The following FGF14 variants were observed in gnomAD, a reference collection of about 807,000 sequenced individuals.
The protein encoded by FGF14 is fibroblast growth factor 14, also known as fibroblast growth factor homologous factor 4.
Under a neutral mutation model 25.5 loss-of-function variants are expected in FGF14, and 5 were observed. That is an observed-to-expected ratio of 0.20 (90% CI 0.10 to 0.41). The LOEUF is 0.41. Among genes scored for constraint, FGF14 ranks in the 10% least tolerant of loss-of-function variants. The pLI, the probability that FGF14 is intolerant of heterozygous loss-of-function variation, is 1.00. For synonymous variants in FGF14, 138 were observed against 118.3 expected (o/e 1.17, Z -1.08); for missense variants, 222 against 320.1 (o/e 0.69, Z 2.34).
chr13:102,070,178 A>G (rs1298826743), intron 1 of FGF14, among the ~76,000 whole-genome samples: 2 of 152,236 alleles, frequency 1.3e-5, no homozygotes, highest in African/African-American at 2.4e-5. Context: ...AAACAACTCA[A>G]TAAGAAAAAT....
chr13:101,748,922 G>T (rs1581913), intron 3 of FGF14, among the ~76,000 whole-genome samples: 105,788 of 151,816 alleles, frequency 0.7, 37,625 homozygotes, highest in Non-Finnish European at 0.77. Context: ...CAAATGTCCA[G>T]CAATGGATGA....
intron 3 of FGF14, among the ~76,000 whole-genome samples, chr13:101,768,761 T>C (rs2038568973): frequency 6.6e-6 from 1 of 152,098 alleles, no homozygotes; most frequent in South Asian, 2.1e-4. Flanking sequence ...AACTGGAACG[T>C]CCACATGCAA....
At chr13:102,225,518 G>A (rs1177618416) in intron 1 of FGF14, among the ~76,000 whole-genome samples, 5 of 152,128 alleles carry the variant, frequency 3.3e-5, no homozygotes. Context: ...CTCTCCATCA[G>A]TTCAATAAGG....
At chr13:101,794,179 C>T (rs2040392682) in intron 3 of FGF14, among the ~76,000 whole-genome samples, 1 of 134,568 alleles carries the variant, frequency 7.4e-6, no homozygotes, top group African/African-American at 2.5e-5. Context: ...CCTTTTCTTG[C>T]TCACTGTCTC....
chr13:102,346,961 T>G (rs1303333370), intron 1 of FGF14, among the ~76,000 whole-genome samples: 1 of 152,160 alleles, frequency 6.6e-6, no homozygotes, highest in African/African-American at 2.4e-5. Flanking sequence ...TCACGTGTCT[T>G]GCACTGATGC....
At chr13:102,237,109 T>C (rs1413929199) in intron 1 of FGF14, among the ~76,000 whole-genome samples, 1 of 152,202 alleles carries the variant, frequency 6.6e-6, no homozygotes, top group Non-Finnish European at 1.5e-5. Context: ...GACTCCCATC[T>C]TCTCTGTTGT....
intron 1 of FGF14, among the ~76,000 whole-genome samples, chr13:102,161,015 T>C (rs937291180): frequency 3.9e-5 from 6 of 152,116 alleles, no homozygotes; most frequent in African/African-American, 1.4e-4. Flanking sequence ...AAAAGTCATA[T>C]TGATAGTTCA....
chr13:102,364,034 T>C (rs1169760792), intron 1 of FGF14, among the ~76,000 whole-genome samples: 2 of 152,232 alleles, frequency 1.3e-5, no homozygotes, highest in African/African-American at 4.8e-5. Context: ...AAGCTAACAA[T>C]TTTAGATCAT....
chr13:102,092,877 T>TA (rs2044228804), intron 1 of FGF14, among the ~76,000 whole-genome samples: 1 of 152,078 alleles, frequency 6.6e-6, no homozygotes, highest in African/African-American at 2.4e-5. Flanking sequence ...TAAAAATCAA[T>TA]AAAAATGTTA....
At chr13:101,912,413 G>A (rs1306726879) in intron 1 of FGF14, among the ~76,000 whole-genome samples, 1 of 152,128 alleles carries the variant, frequency 6.6e-6, no homozygotes, top group African/African-American at 2.4e-5. Flanking sequence ...TTATTATCCT[G>A]TGAACAATTA....
intron 3 of FGF14, among the ~76,000 whole-genome samples, chr13:101,765,425 C>A (rs2038315976): frequency 1.3e-5 from 2 of 152,136 alleles, no homozygotes; most frequent in South Asian, 4.1e-4. Flanking sequence ...GGGAACACTG[C>A]CATAGATTAG....
At chr13:102,126,198 G>A (rs1168859754) in intron 1 of FGF14, among the ~76,000 whole-genome samples, 2 of 152,034 alleles carry the variant, frequency 1.3e-5, no homozygotes, top group African/African-American at 2.4e-5. Flanking sequence ...AGAAACTACC[G>A]CACCCATTAA....
intron 1 of FGF14, among the ~76,000 whole-genome samples, chr13:101,959,366 T>C (rs1469148300): frequency 7.3e-6 from 1 of 136,492 alleles, no homozygotes; most frequent in East Asian, 2.9e-4. Flanking sequence ...GTGTGTGTTC[T>C]CTCTCGCTGC....
intron 1 of FGF14, among the ~76,000 whole-genome samples, chr13:102,228,381 C>G (rs2050922391): frequency 1.3e-5 from 2 of 152,186 alleles, no homozygotes; most frequent in South Asian, 4.1e-4. Context: ...TTATCTTCCT[C>G]TCTAACACTG....
At chr13:101,982,483 C>T (rs771664598) in intron 1 of FGF14, among the ~76,000 whole-genome samples, 9 of 152,212 alleles carry the variant, frequency 5.9e-5, no homozygotes, top group East Asian at 3.9e-4. Flanking sequence ...AGAATAAAGG[C>T]GTGCACACTC....
chr13:102,290,631 T>C (rs1408691496), intron 1 of FGF14, among the ~76,000 whole-genome samples: 1 of 152,194 alleles, frequency 6.6e-6, no homozygotes, highest in Non-Finnish European at 1.5e-5. Flanking sequence ...ATTCTAGTGC[T>C]GTGCCTGAGC....
At chr13:102,063,862 T>C (rs1207331494) in intron 1 of FGF14, among the ~76,000 whole-genome samples, 2 of 152,264 alleles carry the variant, frequency 1.3e-5, no homozygotes, top group Non-Finnish European at 2.9e-5. Context: ...CTTAATATAT[T>C]ATGTCAACAA....
chr13:102,139,553 CT>C (rs1168294072), intron 1 of FGF14, among the ~76,000 whole-genome samples: 3 of 152,074 alleles, frequency 2.0e-5, no homozygotes, highest in African/African-American at 7.2e-5. Flanking sequence ...CATTCATCGC[CT>C]CATATGTCCT....
chr13:102,304,412 C>T (rs796850760), intron 1 of FGF14, among the ~76,000 whole-genome samples: 47 of 152,276 alleles, frequency 3.1e-4, no homozygotes, highest in African/African-American at 1.0e-3. Context: ...TCTTCCCTAA[C>T]ACGGGTTCTC....
Sources: gnomAD v4.1 joint callset for allele counts (sites outside exome capture counted in the v4.1 genomes callset) on GRCh38, gnomAD v4.1.1 for gene constraint, MANE v1.5 for transcripts, NCBI Gene and HGNC (gene_info 2026-07-23, HGNC 2026-07-21) for gene names.